The following ASIC2 variants were observed in gnomAD, a reference collection of about 807,000 sequenced individuals.
The protein encoded by ASIC2 is acid-sensing ion channel 2.
Under a neutral mutation model 57.3 loss-of-function variants are expected in ASIC2, and 25 were observed. That is an observed-to-expected ratio of 0.44 (90% confidence interval 0.32 to 0.61). The LOEUF is 0.61. ASIC2 is among the 20% of genes least tolerant of loss of function. The pLI is 0.06. For synonymous variants in ASIC2, 319 were observed against 307.5 expected (o/e 1.04, Z -0.39); for missense variants, 641 against 738.1 (o/e 0.87, Z 1.52).
intron 1 of ASIC2, among the ~76,000 whole-genome samples, chr17:33,963,509 G>A (rs1044307720): frequency 6.6e-6 from 1 of 152,166 alleles, no homozygotes; most frequent in Non-Finnish European, 1.5e-5. Flanking sequence ...GCTCAGAGAG[G>A]GGAAGTAACT....
At chr17:33,272,141 T>C (rs1288676823) in intron 1 of ASIC2, among the ~76,000 whole-genome samples, 1 of 152,262 alleles carries the variant, frequency 6.6e-6, no homozygotes, top group Non-Finnish European at 1.5e-5. Flanking sequence ...CAGGGCTTCC[T>C]GACTACATGA....
chr17:33,106,761 T>TCC (rs1324244869), intron 2 of ASIC2, among the ~76,000 whole-genome samples: 1 of 152,040 alleles, frequency 6.6e-6, no homozygotes, highest in African/African-American at 2.4e-5. Context: ...ATTTTTTTTT[T>TCC]CCCCTAAACA....
intron 1 of ASIC2, among the ~76,000 whole-genome samples, chr17:34,016,203 T>A (rs1049606959): frequency 5.9e-5 from 9 of 151,830 alleles, no homozygotes; most frequent in Admixed American, 5.2e-4. Flanking sequence ...GGCAGGTGGA[T>A]CACCAGGTCA....
Position 33,941,667 on chromosome 17 carries a change from A to T in ASIC2, c.555+214311T>A, listed in dbSNP as rs1284471304. Among the ~76,000 whole-genome samples, 3 of 152,240 alleles carry T rather than the reference A, an allele frequency of 2.0e-5. No individual in the cohort carries two copies. The East Asian group carries it at 5.8e-4, about 29-fold the overall frequency. On this transcript the variant is annotated intron_variant, in intron 1 of 9. Transcript: ENST00000359872. ...GGTCCAGAGAGAGGCCAGCCCACAG[A>T]GCAGTGGCTATTTCTATCTATGTTG...
intron 1 of ASIC2, among the ~76,000 whole-genome samples, chr17:33,190,698 A>G (rs887894165): frequency 7.2e-5 from 11 of 152,206 alleles, no homozygotes; most frequent in African/African-American, 2.4e-4. Flanking sequence ...AATGGAACAG[A>G]AAGTCCAGAA....
intron 1 of ASIC2, among the ~76,000 whole-genome samples, chr17:33,215,465 T>C (rs1368321220): frequency 6.6e-6 from 1 of 152,202 alleles, no homozygotes; most frequent in Non-Finnish European, 1.5e-5. Flanking sequence ...TATGTAGTCA[T>C]TGAATTATGG....
chr17:33,287,136 C>A (rs1198321838), intron 1 of ASIC2, among the ~76,000 whole-genome samples: 1 of 152,220 alleles, frequency 6.6e-6, no homozygotes, highest in Non-Finnish European at 1.5e-5. Flanking sequence ...TATTGAGCAC[C>A]TACTGCTGTC....
At chr17:33,257,828 C>G (rs1909134510) in intron 1 of ASIC2, among the ~76,000 whole-genome samples, 1 of 152,206 alleles carries the variant, frequency 6.6e-6, no homozygotes, top group African/African-American at 2.4e-5. Context: ...GAGAGTGTAG[C>G]TTAGAACTGT....
At chr17:33,861,581 G>A in intron 1 of ASIC2, among the ~76,000 whole-genome samples, 1 of 152,160 alleles carries the variant, frequency 6.6e-6, no homozygotes. Flanking sequence ...TTTATGTAAT[G>A]CATTAAATTT....
At chr17:34,016,123 G>A (rs1346698769) in intron 1 of ASIC2, among the ~76,000 whole-genome samples, 1 of 152,132 alleles carries the variant, frequency 6.6e-6, no homozygotes, top group Non-Finnish European at 1.5e-5. Context: ...TTCAGGATTA[G>A]AAACAATGCA....
intron 6 of ASIC2, 49 bp downstream of exon 6, chr17:33,023,811 TC>T (rs770235874): frequency 1.2e-6 from 2 of 1,607,554 alleles, no homozygotes; most frequent in Non-Finnish European, 1.7e-6. Context: ...TCCAATTTCC[TC>T]CTTATCCAGT....
chr17:33,171,940 G>C (rs1484596572), intron 1 of ASIC2, among the ~76,000 whole-genome samples: 1 of 152,156 alleles, frequency 6.6e-6, no homozygotes, highest in African/African-American at 2.4e-5. Flanking sequence ...TCAAATTTCA[G>C]CTTCCTGGCC....
chr17:33,458,628 A>G (rs889717586), intron 1 of ASIC2, among the ~76,000 whole-genome samples: 1 of 152,178 alleles, frequency 6.6e-6, no homozygotes, highest in African/African-American at 2.4e-5. Context: ...GAATGTTTAT[A>G]AAGCAGTTAG....
intron 3 of ASIC2, among the ~76,000 whole-genome samples, chr17:33,051,136 G>T (rs1295047745): frequency 3.9e-5 from 6 of 152,156 alleles, no homozygotes; most frequent in Non-Finnish European, 8.8e-5. Flanking sequence ...CCCATTGAGA[G>T]ATTTCTGTAT....
intron 1 of ASIC2, among the ~76,000 whole-genome samples, chr17:33,872,799 G>C (rs989145168): frequency 6.6e-6 from 1 of 152,158 alleles, no homozygotes; most frequent in Non-Finnish European, 1.5e-5. Context: ...ATTAAGTATG[G>C]ATCTGACCAC....
intron 1 of ASIC2, among the ~76,000 whole-genome samples, chr17:33,987,346 C>T (rs1277199279): frequency 6.6e-6 from 1 of 152,144 alleles, no homozygotes; most frequent in Non-Finnish European, 1.5e-5. Context: ...CATCTGTCTC[C>T]CAGCACTCTG....
chr17:33,252,652 C>T (rs908252996), intron 1 of ASIC2, among the ~76,000 whole-genome samples: 3 of 151,936 alleles, frequency 2.0e-5, no homozygotes, highest in Admixed American at 6.6e-5. Context: ...CATTCTTGGC[C>T]TTAGTTCTTG....
intron 1 of ASIC2, among the ~76,000 whole-genome samples, chr17:34,105,216 A>AT (rs1164034448): frequency 2.3e-4 from 35 of 152,106 alleles, no homozygotes; most frequent in African/African-American, 8.4e-4. Flanking sequence ...TTTCATCTGA[A>AT]TTGTAGCATT....
Position 33,562,972 on chromosome 17 carries a change from C to T in ASIC2, c.556-450905G>A, listed in dbSNP as rs144877228. Among the ~76,000 whole-genome samples, 691 of 152,236 alleles carry T rather than the reference C, an allele frequency of 4.5e-3. 7 individuals are homozygous for T. Among genetic ancestry groups the T allele is most frequent in the African/African-American group, 0.015 (626 of 41,534 alleles). On this transcript the variant is annotated intron_variant, in intron 1 of 9. Coordinates refer to the ASIC2 transcript ENST00000359872. ...CATACCACAGCCAGTTGCAGCTGCT[C>T]CACAGGAGAACCACAGGATTCATGG... is the stretch of plus-strand genomic sequence containing the variant.
Sources: gnomAD v4.1 joint callset for allele counts (sites outside exome capture counted in the v4.1 genomes callset) on GRCh38, gnomAD v4.1.1 for gene constraint, MANE v1.5 for transcripts, NCBI Gene and HGNC (gene_info 2026-07-23, HGNC 2026-07-21) for gene names.